The following DEPDC1B variants were observed in gnomAD, a reference collection of about 807,000 sequenced individuals.
DEPDC1B encodes DEP domain-containing protein 1B.
A neutral mutation model predicts 66.5 loss-of-function variants in DEPDC1B; 51 were observed. That is an observed-to-expected ratio of 0.77 (90% CI 0.61 to 0.97). DEPDC1B has a LOEUF of 0.97. DEPDC1B is among the 50% of genes least tolerant of loss of function. DEPDC1B has a pLI of 0.00. For missense variants in DEPDC1B, 552 were observed against 637.1 expected, an observed-to-expected ratio of 0.87 and a Z score of 1.44; for synonymous variants, 226 against 223.6, an observed-to-expected ratio of 1.01 and a Z score of -0.10.
chr5:60,668,202 A>T, intron 2 of DEPDC1B, among the ~76,000 whole-genome samples: 1 of 60,026 alleles, frequency 1.7e-5, no homozygotes, highest in Non-Finnish European at 3.2e-5. Flanking sequence ...TATAAAATGG[A>T]TATTTTATAT....
rs947111762 is a variant in DEPDC1B, at chr5:60,700,146, G to C, written c.-53C>G. The C allele has an allele frequency of 2.2e-5, 33 of 1,520,720 alleles. No individual in the cohort carries two copies. Among genetic ancestry groups the C allele is most frequent in the African/African-American group, 2.8e-5 (2 of 70,878 alleles). The allele number at this position is 1,520,720 out of a possible 1,614,324, so 94.2% of individuals were successfully genotyped here. A position where few individuals can be genotyped will look rare whatever the true frequency, so the allele number is the denominator to read the frequency against. On this transcript the variant is annotated 5_prime_UTR_variant, in exon 1 of 11. Coordinates refer to ENST00000265036, the MANE Select transcript of DEPDC1B (RefSeq NM_018369.3). ...GCGCCAGCGCTGATCCCCGCCAGCC[G>C]GAGGAGCAGCAGTTTGAATCCCAAG... is the stretch of plus-strand genomic sequence containing the variant.
At chr5:60,678,444 T>G (rs1044721950) in intron 2 of DEPDC1B, among the ~76,000 whole-genome samples, 18 of 152,210 alleles carry the variant, frequency 1.2e-4, no homozygotes, top group Non-Finnish European at 1.5e-5. Context: ...GAATGCTGAA[T>G]CATATAGTCA....
At position 60,622,584 on chromosome 5, in the gene DEPDC1B, G is replaced by A. The variant is rs1277750000; in HGVS notation, c.898+16166C>T. Among the ~76,000 whole-genome samples, 3 of 152,298 alleles carry A rather than the reference G, an allele frequency of 2.0e-5. No homozygotes were observed. In the East Asian group the frequency reaches 5.8e-4, roughly 29 times the overall value. On this transcript the variant is annotated intron_variant, in intron 7 of 10. Coordinates refer to ENST00000265036, the MANE Select transcript of DEPDC1B (RefSeq NM_018369.3). Reference sequence around the variant, plus strand: ...ACCTAGGAATGAAATTAAGGTATGTGTATGTTTAACTTAGTTAGAAATGAT... The same window carrying A: ...ACCTAGGAATGAAATTAAGGTATGTATATGTTTAACTTAGTTAGAAATGAT...
intron 2 of DEPDC1B, among the ~76,000 whole-genome samples, chr5:60,675,236 T>C (rs1394128142): frequency 3.9e-5 from 6 of 152,102 alleles, no homozygotes; most frequent in Non-Finnish European, 5.9e-5. Context: ...TCCTACAAAA[T>C]AGAAAAGGAG....
intron 1 of DEPDC1B, among the ~76,000 whole-genome samples, chr5:60,691,609 CAAAA>C (rs879705856): frequency 2.7e-5 from 4 of 146,330 alleles, no homozygotes; most frequent in Admixed American, 6.8e-5. Context: ...CCAAACAAAA[CAAAA>C]AAAATCAATA....
chr5:60,598,197 T>C (rs1752134401), intron 10 of DEPDC1B, among the ~76,000 whole-genome samples: 1 of 152,146 alleles, frequency 6.6e-6, no homozygotes, highest in Non-Finnish European at 1.5e-5. Flanking sequence ...TCAAAATAAC[T>C]TCTGTTCTAC....
intron 2 of DEPDC1B, among the ~76,000 whole-genome samples, chr5:60,661,054 T>G (rs1302603848): frequency 6.6e-6 from 1 of 152,160 alleles, no homozygotes; most frequent in Non-Finnish European, 1.5e-5. Flanking sequence ...AAAAACTCTA[T>G]CTCAATCCTG....
At chr5:60,682,637 C>T (rs1754321763) in intron 2 of DEPDC1B, among the ~76,000 whole-genome samples, 1 of 151,990 alleles carries the variant, frequency 6.6e-6, no homozygotes, top group African/African-American at 2.4e-5. Flanking sequence ...TGGCAAAAGG[C>T]ATAGAAAACC....
chr5:60,669,520 T>G (rs555494431), intron 2 of DEPDC1B, among the ~76,000 whole-genome samples: 1 of 152,350 alleles, frequency 6.6e-6, no homozygotes, highest in South Asian at 2.1e-4. Flanking sequence ...CATAGCAATT[T>G]GTAGGGTTTT....
At chr5:60,651,776 G>A (rs1753462406) in intron 2 of DEPDC1B, among the ~76,000 whole-genome samples, 1 of 152,162 alleles carries the variant, frequency 6.6e-6, no homozygotes, top group Non-Finnish European at 1.5e-5. Flanking sequence ...AATCTGTGTT[G>A]CACAGTGGCA....
chr5:60,666,472 G>A (rs1753843893), intron 2 of DEPDC1B, among the ~76,000 whole-genome samples: 2 of 152,002 alleles, frequency 1.3e-5, no homozygotes, highest in African/African-American at 4.8e-5. Context: ...CCTCGATGTG[G>A]TACTCTCCCC....
rs75733138 is a variant in DEPDC1B, at chr5:60,604,803, T to C, written c.1065+887A>G. ...CAAAGTTTTGCATGTGTATTTTATATGCAGAATAGATATAAAGTTTTCTTC... is the reference window on the plus strand; with the variant it reads ...CAAAGTTTTGCATGTGTATTTTATACGCAGAATAGATATAAAGTTTTCTTC... On this transcript the variant is annotated intron_variant, in intron 8 of 10. Coordinates refer to ENST00000265036, the MANE Select transcript of DEPDC1B (RefSeq NM_018369.3). Among the ~76,000 whole-genome samples the C allele has an allele frequency of 6.6e-3, 1,002 of 152,316 alleles. 9 individuals carry two copies. Among genetic ancestry groups the C allele is most frequent in the Middle Eastern group, 0.017 (5 of 294 alleles).
At chr5:60,607,744 T>G (rs1367905145) in intron 7 of DEPDC1B, among the ~76,000 whole-genome samples, 1 of 151,938 alleles carries the variant, frequency 6.6e-6, no homozygotes, top group African/African-American at 2.4e-5. Context: ...TGAGCAGAGA[T>G]CCAAAGGAAA....
At chr5:60,651,559 A>C (rs72755157) in intron 2 of DEPDC1B, among the ~76,000 whole-genome samples, 51,630 of 151,548 alleles carry the variant, frequency 0.34, 10,467 homozygotes, top group East Asian at 0.57. Flanking sequence ...CAAAAAAAAA[A>C]CTAAAAAAAA....
chr5:60,648,579 A>G lies in DEPDC1B; in HGVS notation c.315-1046T>C, dbSNP rs551509620. On this transcript the variant is annotated intron_variant, in intron 2 of 10. Transcript: ENST00000265036. ...AGGTTGAGGAAAACTATGATTTCTC[A>G]TCTTCAAATAGAGAAACATTTCAAA... Among the ~76,000 whole-genome samples, 4 of 152,340 alleles carry G rather than the reference A, an allele frequency of 2.6e-5. No individual in the cohort carries two copies. The South Asian group carries it at 8.3e-4, about 32-fold the overall frequency.
chr5:60,623,353 C>T (rs558182871), intron 7 of DEPDC1B, among the ~76,000 whole-genome samples: 4 of 152,170 alleles, frequency 2.6e-5, no homozygotes, highest in African/African-American at 9.6e-5. Flanking sequence ...ATGCCAACAC[C>T]ACACTAAATA....
chr5:60,670,485 CAAG>C (rs1312775683), intron 2 of DEPDC1B, among the ~76,000 whole-genome samples: 1 of 151,998 alleles, frequency 6.6e-6, no homozygotes, highest in African/African-American at 2.4e-5. Context: ...AAAATCCCAG[CAAG>C]AATTTTTATA....
intron 2 of DEPDC1B, among the ~76,000 whole-genome samples, chr5:60,678,994 C>A (rs1435172977): frequency 6.6e-6 from 1 of 152,126 alleles, no homozygotes; most frequent in Admixed American, 6.5e-5. Flanking sequence ...AGATTTTTCT[C>A]CTGTTTTTCT....
At chr5:60,680,762 G>T (rs1008237198) in intron 2 of DEPDC1B, among the ~76,000 whole-genome samples, 1 of 152,182 alleles carries the variant, frequency 6.6e-6, no homozygotes, top group African/African-American at 2.4e-5. Flanking sequence ...TTAATGCATT[G>T]CAAGAACTTT....
Sources: gnomAD v4.1 joint callset for allele counts (sites outside exome capture counted in the v4.1 genomes callset) on GRCh38, gnomAD v4.1.1 for gene constraint, MANE v1.5 for transcripts, NCBI Gene and HGNC (gene_info 2026-07-23, HGNC 2026-07-21) for gene names.